Variants in CFAP20DC observed in about 807,000 individuals in gnomAD.
CFAP20DC encodes protein CFAP20DC.
Under a neutral mutation model 101.7 loss-of-function variants are expected in CFAP20DC, and 84 were observed. The observed-to-expected ratio is 0.83, with a 90% CI of 0.69 to 0.99. The LOEUF is 0.99. Ranked by LOEUF, CFAP20DC falls within the 50% of genes least tolerant of loss-of-function variation. The pLI, the probability that CFAP20DC is intolerant of heterozygous loss-of-function variation, is 0.00. For synonymous variants in CFAP20DC, 359 were observed against 351.2 expected (o/e 1.02, Z -0.25); for missense variants, 1,007 against 970.3 (o/e 1.04, Z -0.50).
At chr3:58,881,706 A>T (rs533111236) in intron 7 of CFAP20DC, among the ~76,000 whole-genome samples, 12 of 152,308 alleles carry the variant, frequency 7.9e-5, no homozygotes, top group African/African-American at 2.6e-4. Flanking sequence ...ATAATAAAAT[A>T]TCACAATTTA....
intron 15 of CFAP20DC, among the ~76,000 whole-genome samples, chr3:58,797,968 A>G (rs1243931141): frequency 6.6e-6 from 1 of 152,158 alleles, no homozygotes; most frequent in Non-Finnish European, 1.5e-5. Context: ...TACTGCTCAG[A>G]AAAAAAGAGA....
chr3:58,797,192 C>T (rs1327883599), intron 15 of CFAP20DC, among the ~76,000 whole-genome samples: 2 of 152,142 alleles, frequency 1.3e-5, no homozygotes, highest in East Asian at 3.9e-4. Context: ...GAAAGCATGC[C>T]TAAAGCCAAC....
At chr3:58,901,899 C>T (rs970198045) in intron 6 of CFAP20DC, among the ~76,000 whole-genome samples, 16 of 152,192 alleles carry the variant, frequency 1.1e-4, no homozygotes, top group African/African-American at 2.4e-4. Flanking sequence ...ACCCCTTATC[C>T]ATTAAGTAGC....
In CFAP20DC at chr3:58,866,599, C is replaced by T. The variant is rs145999789; in HGVS notation, c.1225G>A (p.Gly409Ser). 1.4e-5 allele frequency: 23 copies of T among 1,612,240 alleles called. No individual in the cohort carries two copies. The highest frequency in any genetic ancestry group is 8.4e-5 in the Admixed American group (5 of 59,838). The change falls in exon 11 of 17, where the codon GGC becomes AGC. Residue 409 changes from glycine (G) to serine (S), a missense_variant. Transcript: ENST00000482387. Reference sequence around the variant, plus strand: ...TCAGGAGACTGGGGTCCTAGAGTGCCGGAGTTCAACAGCTCTGCTCCTTGT... The same window carrying T: ...TCAGGAGACTGGGGTCCTAGAGTGCTGGAGTTCAACAGCTCTGCTCCTTGT... ...SQQGAELLNS[G>S]TLGPQSPDQS...
chr3:59,040,224 T>C (rs1449658522), intron 3 of CFAP20DC, among the ~76,000 whole-genome samples: 1 of 152,094 alleles, frequency 6.6e-6, no homozygotes, highest in East Asian at 1.9e-4. Flanking sequence ...AATTTAATGT[T>C]CACTGAGAAC....
At chr3:58,915,728 G>T (rs2084623706) in intron 5 of CFAP20DC, among the ~76,000 whole-genome samples, 1 of 152,072 alleles carries the variant, frequency 6.6e-6, no homozygotes, top group Non-Finnish European at 1.5e-5. Flanking sequence ...ATTGTATTAT[G>T]GTATTATATG....
intron 4 of CFAP20DC, among the ~76,000 whole-genome samples, chr3:59,003,283 A>G (rs17060008): frequency 0.06 from 9,102 of 152,252 alleles, 582 homozygotes; most frequent in East Asian, 0.38. Context: ...CTGCACATCT[A>G]TTAAACAGAA....
intron 15 of CFAP20DC, among the ~76,000 whole-genome samples, chr3:58,787,376 T>A (rs1386945236): frequency 6.9e-6 from 1 of 145,584 alleles, no homozygotes; most frequent in East Asian, 2.1e-4. Context: ...CATTGGGAGA[T>A]ATACCTAATG....
intron 15 of CFAP20DC, among the ~76,000 whole-genome samples, chr3:58,779,333 C>T (rs930796502): frequency 1.3e-5 from 2 of 152,026 alleles, no homozygotes; most frequent in Non-Finnish European, 2.9e-5. Flanking sequence ...ATATTCCATG[C>T]AAATGGAAAC....
chr3:58,920,641 T>C lies in CFAP20DC; in HGVS notation c.394-6777A>G, dbSNP rs530687300. On this transcript the variant is annotated intron_variant, in intron 5 of 16. Transcript: ENST00000482387. ...ATTATGCTAATGTGATAAAATTACA[T>C]TGACTTTCAAATCAAGACCAACCTT... is the stretch of plus-strand genomic sequence containing the variant. Among the ~76,000 whole-genome samples, 18 of 152,314 alleles carry C rather than the reference T, an allele frequency of 1.2e-4. No homozygotes were observed. In the South Asian group the frequency reaches 1.9e-3, roughly 16 times the overall value.
At chr3:58,755,591 G>A (rs2068886206) in intron 15 of CFAP20DC, among the ~76,000 whole-genome samples, 1 of 152,146 alleles carries the variant, frequency 6.6e-6, no homozygotes. Flanking sequence ...GTTACGAAAT[G>A]TAAGACACTC....
intron 7 of CFAP20DC, among the ~76,000 whole-genome samples, chr3:58,880,061 A>G (rs908257905): frequency 6.6e-6 from 1 of 152,058 alleles, no homozygotes; most frequent in African/African-American, 2.4e-5. Flanking sequence ...TATAAAGAAG[A>G]AACTAGAAAT....
At chr3:58,848,933 A>T in intron 13 of CFAP20DC, 99 bp downstream of exon 13, 1 of 1,352,118 alleles carries the variant, frequency 7.4e-7, no homozygotes, top group Non-Finnish European at 9.8e-7. Context: ...TCATCACCCA[A>T]ATGATGAAAA....
intron 15 of CFAP20DC, among the ~76,000 whole-genome samples, chr3:58,772,416 A>G (rs1287491903): frequency 6.6e-6 from 1 of 152,230 alleles, no homozygotes; most frequent in Non-Finnish European, 1.5e-5. Flanking sequence ...ATGATATACT[A>G]TTGATACATA....
At chr3:58,816,577 T>A (rs779494978) in intron 14 of CFAP20DC, among the ~76,000 whole-genome samples, 1 of 152,114 alleles carries the variant, frequency 6.6e-6, no homozygotes, top group Non-Finnish European at 1.5e-5. Flanking sequence ...ATTGCACTTT[T>A]CAGACCGGCT....
At chr3:58,877,677 C>A (rs973130637) in intron 7 of CFAP20DC, among the ~76,000 whole-genome samples, 1 of 152,126 alleles carries the variant, frequency 6.6e-6, no homozygotes, top group Non-Finnish European at 1.5e-5. Context: ...CTCTGTGGAT[C>A]AGGAGGACAT....
chr3:59,011,133 C>T (rs2093571892), intron 4 of CFAP20DC, among the ~76,000 whole-genome samples: 2 of 152,170 alleles, frequency 1.3e-5, no homozygotes, highest in Admixed American at 1.3e-4. Flanking sequence ...CATGGTGGCT[C>T]ACGCCTGTAA....
In CFAP20DC at chr3:58,781,695, T is replaced by C. The variant is rs1215749154; in HGVS notation, c.2237+24700A>G. Among the ~76,000 whole-genome samples, 4 of 151,914 alleles carry C rather than the reference T, an allele frequency of 2.6e-5. No homozygotes were observed. In the East Asian group the frequency reaches 7.7e-4, roughly 29 times the overall value. ...AACTAGAAAACCTAGAAGAAATGGA[T>C]AAATTCCTAAACACATACAAACTAT... On this transcript the variant is annotated intron_variant, in intron 15 of 16. Coordinates refer to ENST00000482387, the MANE Select transcript of CFAP20DC (RefSeq NM_001394063.1).
chr3:58,767,201 T>C (rs934663748), intron 15 of CFAP20DC, among the ~76,000 whole-genome samples: 42 of 152,332 alleles, frequency 2.8e-4, no homozygotes, highest in African/African-American at 7.9e-4. Context: ...CAATAAATAA[T>C]GCTGCTGTTG....
Sources: allele counts gnomAD v4.1 joint callset (sites outside exome capture counted in the v4.1 genomes callset), GRCh38; gene constraint gnomAD v4.1.1; transcripts MANE v1.5; gene names NCBI Gene and HGNC (gene_info 2026-07-23, HGNC 2026-07-21).